Variants in SLC22A23 observed in about 807,000 individuals in gnomAD.
SLC22A23 encodes the protein solute carrier family 22 member 23, also known as ion transporter protein.
SLC22A23 carries 26 observed loss-of-function variants against 61.0 expected under a neutral mutation model. That is an observed-to-expected ratio of 0.43 (90% CI 0.31 to 0.59). The LOEUF (loss-of-function observed/expected upper bound fraction) is 0.59. Ranked by LOEUF, SLC22A23 falls within the 20% of genes least tolerant of loss-of-function variation. The pLI, the probability that SLC22A23 is intolerant of heterozygous loss-of-function variation, is 0.11. For synonymous variants in SLC22A23, 430 were observed against 413.9 expected (o/e 1.04, Z -0.47); for missense variants, 796 against 934.7 (o/e 0.85, Z 1.94).
intron 3 of SLC22A23, among the ~76,000 whole-genome samples, chr6:3,377,362 T>A (rs1419648347): frequency 6.6e-6 from 1 of 152,008 alleles, no homozygotes; most frequent in Non-Finnish European, 1.5e-5. Flanking sequence ...AATGATGGAA[T>A]GGAGAGGGTC....
At chr6:3,368,943 C>T (rs1766022676) in intron 3 of SLC22A23, among the ~76,000 whole-genome samples, 1 of 152,138 alleles carries the variant, frequency 6.6e-6, no homozygotes, top group South Asian at 2.1e-4. Flanking sequence ...AACCCGCTGA[C>T]ACACCAGAAT....
intron 3 of SLC22A23, among the ~76,000 whole-genome samples, chr6:3,361,307 T>G (rs1374183962): frequency 6.6e-6 from 1 of 151,980 alleles, no homozygotes; most frequent in Admixed American, 6.5e-5. Flanking sequence ...TTTTTTTTTT[T>G]TTTTTTAAGG....
At chr6:3,445,557 C>A (rs960961548) in intron 1 of SLC22A23, among the ~76,000 whole-genome samples, 1 of 152,144 alleles carries the variant, frequency 6.6e-6, no homozygotes, top group East Asian at 1.9e-4. Context: ...ATGGTGTTAA[C>A]CTCATAAAGT....
At chr6:3,319,184 T>C (rs1011602633) in intron 4 of SLC22A23, among the ~76,000 whole-genome samples, 1 of 152,164 alleles carries the variant, frequency 6.6e-6, no homozygotes, top group Non-Finnish European at 1.5e-5. Context: ...TCAGACCCCA[T>C]AGGGTCTGAC....
At chr6:3,423,091 G>A (rs1770256525) in intron 1 of SLC22A23, among the ~76,000 whole-genome samples, 1 of 150,492 alleles carries the variant, frequency 6.6e-6, no homozygotes, top group Admixed American at 6.6e-5. Flanking sequence ...CTCCTCTTCT[G>A]CGCAGTGCAG....
At chr6:3,366,366 G>C (rs1305273642) in intron 3 of SLC22A23, among the ~76,000 whole-genome samples, 1 of 135,782 alleles carries the variant, frequency 7.4e-6, no homozygotes, top group Non-Finnish European at 1.6e-5. Flanking sequence ...AAGAAAGAAA[G>C]AAAGAAAGAG....
At chr6:3,298,956 G>A (rs961350137) in intron 4 of SLC22A23, among the ~76,000 whole-genome samples, 9 of 139,636 alleles carry the variant, frequency 6.4e-5, no homozygotes, top group Admixed American at 5.1e-4. Flanking sequence ...TCCGGCCTGG[G>A]CGACAGAGCG....
chr6:3,319,195 C>T (rs1022015695), intron 4 of SLC22A23, among the ~76,000 whole-genome samples: 7 of 152,134 alleles, frequency 4.6e-5, no homozygotes, highest in Non-Finnish European at 8.8e-5. Flanking sequence ...AGGGTCTGAC[C>T]CCACCTGCCT....
chr6:3,441,819 G>A lies in SLC22A23; in HGVS notation c.654+14087C>T, dbSNP rs555060891. Among the ~76,000 whole-genome samples the A allele has an allele frequency of 2.0e-3, 308 of 152,274 alleles. 2 individuals are homozygous for A. Among genetic ancestry groups the A allele is most frequent in the Non-Finnish European group, 1.1e-3 (78 of 68,024 alleles). ...ATGAGGAGCTCCCTTCTCCAGGGCAGACACGATCTTCTACCCATCTGTGAC... is the reference window on the plus strand; with the variant it reads ...ATGAGGAGCTCCCTTCTCCAGGGCAAACACGATCTTCTACCCATCTGTGAC... On this transcript the variant is annotated intron_variant, in intron 1 of 9. Coordinates refer to ENST00000406686, the MANE Select transcript of SLC22A23 (RefSeq NM_015482.2).
chr6:3,332,397 GAGA>G (rs1763631324), intron 3 of SLC22A23, among the ~76,000 whole-genome samples: 1 of 152,032 alleles, frequency 6.6e-6, no homozygotes, highest in Non-Finnish European at 1.5e-5. Flanking sequence ...CTTCTAAATA[GAGA>G]AGAATTATTA....
Position 3,323,989 on chromosome 6 carries a change from G to T in SLC22A23, c.927C>A (p.Cys309Ter). ...TAATCATGAACCGTTTTCCAGGGGG[G>T]CACAGCTCTATTCCTAGAACACAGA... ...LTLYALRIELCPPGKRFMITM... is the reference protein window; with the variant it reads ...LTLYALRIEL The change falls in exon 4 of 10, where the codon TGC becomes TGA. Residue 309 changes from cysteine to a stop codon, truncating the protein, a stop_gained. Coordinates refer to ENST00000406686, the MANE Select transcript of SLC22A23 (RefSeq NM_015482.2). LOFTEE classifies it high-confidence loss of function. 6.2e-7 allele frequency: 1 copy of T among 1,614,122 alleles called. No individual in the cohort carries two copies. The highest frequency in any genetic ancestry group is 8.5e-7 in the Non-Finnish European group (1 of 1,179,974).
chr6:3,297,173 C>T lies in SLC22A23; in HGVS notation c.1210+918G>A, dbSNP rs939676172. Among the ~76,000 whole-genome samples the T allele has an allele frequency of 5.9e-5, 9 of 152,184 alleles. No homozygotes were observed. The highest frequency in any genetic ancestry group is 2.1e-4 in the South Asian group (1 of 4,836). ...CTGTGTCTTCTCTGCTCTAGAATAGCGCCTGAAACACAGCAGGCATCTAGT... is the reference window on the plus strand; with the variant it reads ...CTGTGTCTTCTCTGCTCTAGAATAGTGCCTGAAACACAGCAGGCATCTAGT... On this transcript the variant is annotated intron_variant, in intron 5 of 9. Coordinates refer to ENST00000406686, the MANE Select transcript of SLC22A23 (RefSeq NM_015482.2). The surrounding 1 kb of genome is among the most constrained non-coding windows in gnomAD (Gnocchi z 4.3).
chr6:3,400,670 C>G (rs1044752163), intron 3 of SLC22A23, among the ~76,000 whole-genome samples: 5 of 152,234 alleles, frequency 3.3e-5, no homozygotes, highest in African/African-American at 4.8e-5. Flanking sequence ...GCTTCCAATC[C>G]AAGCCTGGAT....
In SLC22A23 at chr6:3,414,633, C is replaced by T. The variant is rs1769536293; in HGVS notation, c.758+1119G>A. 6.8e-6 allele frequency among the ~76,000 whole-genome samples: 1 copy of T among 147,210 alleles called. No individual in the cohort carries two copies. The highest frequency in any genetic ancestry group is 2.5e-5 in the African/African-American group (1 of 39,788). The stretch of plus-strand genomic sequence containing the variant: ...TGCCTTGGCCAGCATTCTCAGTTAA[C>T]TGAGGTGCAGAGGTCACAGAACCTA... On this transcript the variant is annotated intron_variant, in intron 2 of 9. Transcript: ENST00000406686. This position sits in a 1 kb window ranked among gnomAD's most constrained non-coding sequence, Gnocchi z 5.1.
At chr6:3,452,599 TAAAAAAAAAAAAAAAAAAAAAAAAAAA>T (rs570923626) in intron 1 of SLC22A23, among the ~76,000 whole-genome samples, 2 of 40,560 alleles carry the variant, frequency 4.9e-5, no homozygotes, top group Admixed American at 4.3e-4. Flanking sequence ...AGACGCTGTC[TAAAAAAAAAAAAAAAAAAAAAAAAAAA>T]AAAAAAAAAA....
chr6:3,300,509 G>T (rs185284432), intron 4 of SLC22A23, among the ~76,000 whole-genome samples: 46 of 152,260 alleles, frequency 3.0e-4, no homozygotes, highest in Admixed American at 9.2e-4. Flanking sequence ...GACACAGAAG[G>T]CTCCATCTAT....
chr6:3,358,009 G>C (rs1581744366), intron 3 of SLC22A23, among the ~76,000 whole-genome samples: 1 of 152,198 alleles, frequency 6.6e-6, no homozygotes, highest in Admixed American at 6.5e-5. Context: ...TTTTCAGAGA[G>C]GCAACCAGCT....
chr6:3,393,836 G>GA (rs1018998419), intron 3 of SLC22A23, among the ~76,000 whole-genome samples: 7 of 152,250 alleles, frequency 4.6e-5, no homozygotes, highest in African/African-American at 1.7e-4. Context: ...TCATCCCTCT[G>GA]AAAAGAGGAT....
intron 4 of SLC22A23, among the ~76,000 whole-genome samples, chr6:3,305,469 T>C (rs1761911315): frequency 6.6e-6 from 1 of 152,226 alleles, no homozygotes; most frequent in Non-Finnish European, 1.5e-5. Context: ...GCTCCGTGAA[T>C]TTAAATTTGC....
Sources: allele counts gnomAD v4.1 joint callset (sites outside exome capture counted in the v4.1 genomes callset), GRCh38; gene constraint gnomAD v4.1.1; non-coding constraint Gnocchi (gnomAD v3.1); transcripts MANE v1.5; gene names NCBI Gene and HGNC (gene_info 2026-07-23, HGNC 2026-07-21).